KTN1: variants seen among roughly 807,000 people sequenced by gnomAD.
KTN1 encodes kinectin.
In KTN1, 130 loss-of-function variants were observed where a neutral mutation model predicts 222.5. The ratio of observed to expected loss-of-function variants is 0.58; its 90% CI spans 0.51 to 0.68. KTN1 has a LOEUF of 0.68. Among genes scored for constraint, KTN1 ranks in the 30% least tolerant of loss-of-function variants. The pLI, the probability that KTN1 is intolerant of heterozygous loss-of-function variation, is 0.00. For synonymous variants in KTN1, 512 were observed against 496.3 expected (o/e 1.03, Z -0.42); for missense variants, 1,508 against 1,500.4 (o/e 1.01, Z -0.08).
rs949062187 is a variant in KTN1, at chr14:55,648,949, G to A, written c.2367+79G>A. ...TTGTTGTTTTTAAATTAAAAGAAAC[G>A]GGGTCTTGCTCTTTTGCCCAGGCTG... On this transcript the variant is annotated intron_variant, in intron 21 of 43. Transcript: ENST00000395314. 16 of 997,200 alleles carry A rather than the reference G, an allele frequency of 1.6e-5. No individual in the cohort carries two copies. The Admixed American group carries it at 2.1e-4, about 13-fold the overall frequency. The allele number at this position is 997,200 out of a possible 1,614,324, so 61.8% of individuals were successfully genotyped here.
At chr14:55,603,614 C>T (rs183803138) in intron 1 of KTN1, among the ~76,000 whole-genome samples, 1 of 152,272 alleles carries the variant, frequency 6.6e-6, no homozygotes, top group East Asian at 1.9e-4. Context: ...GTCTTGAGAC[C>T]TGGTCTCTAT....
At chr14:55,593,529 G>C (rs191969985) in intron 1 of KTN1, among the ~76,000 whole-genome samples, 43 of 149,776 alleles carry the variant, frequency 2.9e-4, no homozygotes, top group Non-Finnish European at 5.2e-4. Context: ...AGGACTAGCT[G>C]CTTGGTTTTT....
At chr14:55,613,599 T>C (rs1386612034) in intron 2 of KTN1, among the ~76,000 whole-genome samples, 1 of 146,578 alleles carries the variant, frequency 6.8e-6, no homozygotes, top group Non-Finnish European at 1.5e-5. Context: ...GTTCAAGTGA[T>C]TCTCCTGCCT....
At chr14:55,671,117 G>T (rs2045407099) in intron 35 of KTN1, among the ~76,000 whole-genome samples, 1 of 152,112 alleles carries the variant, frequency 6.6e-6, no homozygotes, top group South Asian at 2.1e-4. Flanking sequence ...AGTCGAGATA[G>T]GTAGAATCTC....
intron 10 of KTN1, 71 bp downstream of exon 10, chr14:55,636,607 T>C: frequency 1.8e-6 from 2 of 1,099,170 alleles, no homozygotes; most frequent in Non-Finnish European, 1.3e-6. Context: ...CTTCCATCTG[T>C]GAAGAAAGTA....
In KTN1 at chr14:55,621,675, C is replaced by T. The variant is rs116176019; in HGVS notation, c.963+2363C>T. ...ATTATCTCCCACCGAGCCTCTCCCACGGCACGTGGGAATTATAGGAGCTAC... is the reference window on the plus strand; with the variant it reads ...ATTATCTCCCACCGAGCCTCTCCCATGGCACGTGGGAATTATAGGAGCTAC... On this transcript the variant is annotated intron_variant, in intron 5 of 43. Transcript: ENST00000395314. Among the ~76,000 whole-genome samples the T allele has an allele frequency of 2.3e-3, 346 of 152,116 alleles. 2 individuals are homozygous for T. The highest frequency in any genetic ancestry group is 7.9e-3 in the African/African-American group (327 of 41,492).
chr14:55,636,231 A>C (rs1416018221), intron 9 of KTN1, among the ~76,000 whole-genome samples: 1 of 152,218 alleles, frequency 6.6e-6, no homozygotes, highest in Non-Finnish European at 1.5e-5. Context: ...CCAAACTGTA[A>C]ACCCTGTAAT....
chr14:55,615,892 T>TTCTC (rs143855394), intron 2 of KTN1, among the ~76,000 whole-genome samples: 8,823 of 150,658 alleles, frequency 0.059, 365 homozygotes, highest in South Asian at 0.086. Context: ...CTTTCTCTCT[T>TTCTC]TCTCTCTCTC....
chr14:55,612,405 GAAAC>G lies in KTN1; in HGVS notation c.361_364del (p.Gln121SerfsTer22). ...TTAGGGAAAGAAAAAAGAAGGAAAA[GAAAC>G]AAAAGCCTGTGCTTGAAGAGCAGGT... On this transcript the variant is annotated frameshift_variant, in exon 2 of 44. Transcript: ENST00000395314. LOFTEE classifies it high-confidence loss of function. 1 of 1,613,874 alleles carries G rather than the reference GAAAC, an allele frequency of 6.2e-7. No homozygotes were observed. Among genetic ancestry groups the G allele is most frequent in the Non-Finnish European group, 8.5e-7 (1 of 1,179,954 alleles).
intron 1 of KTN1, among the ~76,000 whole-genome samples, chr14:55,600,887 T>TA (rs1474566325): frequency 6.6e-6 from 1 of 152,164 alleles, no homozygotes; most frequent in Non-Finnish European, 1.5e-5. Context: ...TTTTTTTTTT[T>TA]ACCGAATAAA....
rs879223327 is a variant in KTN1, at chr14:55,667,389, A to C, written c.3267+59A>C. ...ACATTATTCAAGAAAGGTGTGAATA[A>C]GCAACATCATTTGCACTCCACTTGG... is the stretch of plus-strand genomic sequence containing the variant. On this transcript the variant is annotated intron_variant, in intron 34 of 43. Coordinates refer to ENST00000395314, the MANE Select transcript of KTN1 (RefSeq NM_001079521.2). 24 of 988,330 alleles carry C rather than the reference A, an allele frequency of 2.4e-5. No individual in the cohort carries two copies. The South Asian group carries it at 3.3e-4, about 14-fold the overall frequency. 61.2% of individuals were successfully genotyped at this position (988,330 alleles called of 1,614,324 possible).
intron 28 of KTN1, among the ~76,000 whole-genome samples, chr14:55,654,682 G>A (rs981950524): frequency 6.6e-6 from 1 of 152,030 alleles, no homozygotes; most frequent in African/African-American, 2.4e-5. Flanking sequence ...TGTTACAAGT[G>A]ATGAGCCAAT....
intron 8 of KTN1, 21 bp downstream of exon 8, chr14:55,633,362 T>G: frequency 7.5e-7 from 1 of 1,336,974 alleles, no homozygotes; most frequent in Non-Finnish European, 1.0e-6. Flanking sequence ...AAATACCTTA[T>G]TTTTTAATTG....
In KTN1 at chr14:55,675,870, T is replaced by G. The variant is rs753694860; in HGVS notation, c.3807T>G (p.Leu1269=). The G allele has an allele frequency of 1.2e-6, 2 of 1,613,386 alleles. No homozygotes were observed. Among genetic ancestry groups the G allele is most frequent in the Non-Finnish European group, 1.7e-6 (2 of 1,179,448 alleles). Residue 1269 remains leucine, a synonymous_variant, in exon 41 of 44, where the codon CTT becomes CTG. Transcript: ENST00000395314. The part of the protein sequence containing the change: ...KAQLNETLTK[L]RTEQNERQKV... ...AGTTAAATGAAACACTCACAAAACTTAGAACTGAACAAAATGAAAGACAGA... is the reference window on the plus strand; with the variant it reads ...AGTTAAATGAAACACTCACAAAACTGAGAACTGAACAAAATGAAAGACAGA...
intron 1 of KTN1, among the ~76,000 whole-genome samples, chr14:55,610,318 T>G (rs1454374069): frequency 6.6e-6 from 1 of 152,082 alleles, no homozygotes. Context: ...TACTTGGGTT[T>G]CACGTCCAGC....
chr14:55,643,183 T>G (rs750863863), intron 18 of KTN1, among the ~76,000 whole-genome samples: 9 of 152,222 alleles, frequency 5.9e-5, no homozygotes, highest in Non-Finnish European at 1.2e-4. Flanking sequence ...GTGCTGGGAT[T>G]ACAGATGTGA....
At chr14:55,651,369 A>T (rs1048594287) in intron 24 of KTN1, 1 of 456,000 alleles carries the variant, frequency 2.2e-6, no homozygotes, top group Admixed American at 2.3e-5. Flanking sequence ...AGAGTGGAGG[A>T]TAAAAGGTAT....
At chr14:55,598,319 C>G (rs1250396599) in intron 1 of KTN1, among the ~76,000 whole-genome samples, 5 of 151,630 alleles carry the variant, frequency 3.3e-5, no homozygotes, top group African/African-American at 1.2e-4. Context: ...CCTGTAGTCC[C>G]AGCTACTCTG....
intron 33 of KTN1, among the ~76,000 whole-genome samples, chr14:55,667,005 C>T (rs985228281): frequency 2.0e-5 from 3 of 151,910 alleles, no homozygotes; most frequent in Non-Finnish European, 4.4e-5. Context: ...TCCATATTGT[C>T]AGATATTGCT....
Sources: gnomAD v4.1 joint callset for allele counts (sites outside exome capture counted in the v4.1 genomes callset) on GRCh38, gnomAD v4.1.1 for gene constraint, MANE v1.5 for transcripts, NCBI Gene and HGNC (gene_info 2026-07-23, HGNC 2026-07-21) for gene names.